RECK: variants seen among roughly 807,000 people sequenced by gnomAD.
RECK encodes reversion-inducing cysteine-rich protein with Kazal motifs.
In RECK, 69 loss-of-function variants were observed where a neutral mutation model predicts 115.1. The observed-to-expected ratio is 0.60, with a 90% confidence interval of 0.49 to 0.73. The LOEUF (loss-of-function observed/expected upper bound fraction) is 0.73, where lower values mean the gene tolerates loss of function less well. Ranked by LOEUF, RECK falls within the 30% of genes least tolerant of loss-of-function variation. The pLI is 0.00. For missense variants in RECK, 1,047 were observed against 1,203.7 expected (o/e 0.87, Z 1.93); for synonymous variants, 414 against 419.7 (o/e 0.99, Z 0.17).
At chr9:36,041,570 A>G (rs1276672965) in intron 1 of RECK, among the ~76,000 whole-genome samples, 4 of 152,210 alleles carry the variant, frequency 2.6e-5, no homozygotes, top group Non-Finnish European at 5.9e-5. Context: ...ATAGCATTTA[A>G]CAGGAAATCA....
At chr9:36,107,101 G>A (rs868328737) in intron 13 of RECK, among the ~76,000 whole-genome samples, 904 of 78,782 alleles carry the variant, frequency 0.011, 11 homozygotes, top group African/African-American at 0.047. Flanking sequence ...GCGAGACTCC[G>A]TCTCAAAAAA....
At chr9:36,112,838 G>A (rs1018250606) in intron 16 of RECK, among the ~76,000 whole-genome samples, 4 of 152,170 alleles carry the variant, frequency 2.6e-5, no homozygotes, top group African/African-American at 9.7e-5. Flanking sequence ...TGTTATCTCC[G>A]TAACATTGTT....
At chr9:36,097,382 C>T (rs186959431) in intron 10 of RECK, among the ~76,000 whole-genome samples, 30 of 150,996 alleles carry the variant, frequency 2.0e-4, no homozygotes, top group East Asian at 1.4e-3. Context: ...AGACCCTTTA[C>T]CGAAGAAGGA....
At chr9:36,092,142 T>G (rs556816092) in intron 10 of RECK, among the ~76,000 whole-genome samples, 33 of 152,330 alleles carry the variant, frequency 2.2e-4, no homozygotes, top group African/African-American at 7.9e-4. Flanking sequence ...TCTTTAAAAC[T>G]GGTGATAGAG....
intron 6 of RECK, among the ~76,000 whole-genome samples, chr9:36,074,430 G>A (rs1822367152): frequency 1.3e-5 from 2 of 152,102 alleles, no homozygotes; most frequent in Admixed American, 1.3e-4. Flanking sequence ...ATAGTCCATG[G>A]GAAGAGAGAA....
Position 36,094,871 on chromosome 9 carries a change from A to G in RECK, c.1085+3528A>G, listed in dbSNP as rs1392089844. Among the ~76,000 whole-genome samples the G allele has an allele frequency of 6.6e-6, 1 of 152,214 alleles. No homozygotes were observed. The highest frequency in any genetic ancestry group is 1.5e-5 in the Non-Finnish European group (1 of 68,038). On this transcript the variant is annotated intron_variant, in intron 10 of 20. Coordinates refer to ENST00000377966, the MANE Select transcript of RECK (RefSeq NM_021111.3). This position sits in a 1 kb window ranked among gnomAD's most constrained non-coding sequence, Gnocchi z 4.1. ...ATGTTAACACCTCTCCCTCACTAAT[A>G]GAACAAATGGAAAAAAATCAGTGAG...
At chr9:36,100,912 T>C (rs900722577) in intron 11 of RECK, among the ~76,000 whole-genome samples, 16 of 152,176 alleles carry the variant, frequency 1.1e-4, no homozygotes, top group African/African-American at 3.9e-4. Flanking sequence ...TATGTTAATT[T>C]ATGGACTTGT....
intron 6 of RECK, among the ~76,000 whole-genome samples, chr9:36,070,616 A>G (rs1822189347): frequency 6.6e-6 from 1 of 152,196 alleles, no homozygotes; most frequent in African/African-American, 2.4e-5. Context: ...GAGATATTCC[A>G]AAAACAGATA....
intron 14 of RECK, 142 bp from the exon 15 acceptor site, chr9:36,109,815 G>A: frequency 1.2e-6 from 1 of 812,358 alleles, no homozygotes; most frequent in Non-Finnish European, 1.9e-6. Context: ...GTGCACTCCA[G>A]CCTGGGCGAT....
chr9:36,045,218 T>C (rs983786252), intron 1 of RECK, among the ~76,000 whole-genome samples: 61 of 152,260 alleles, frequency 4.0e-4, no homozygotes, highest in African/African-American at 1.3e-3. Flanking sequence ...CTGTATACTT[T>C]ATGCAGATAT....
chr9:36,096,388 C>G (rs998203851), intron 10 of RECK, among the ~76,000 whole-genome samples: 6 of 150,612 alleles, frequency 4.0e-5, no homozygotes, highest in South Asian at 2.1e-4. Context: ...AATACAAAAA[C>G]TAGCCGGACA....
At chr9:36,120,281 G>C (rs1311330545) in intron 18 of RECK, among the ~76,000 whole-genome samples, 1 of 152,006 alleles carries the variant, frequency 6.6e-6, no homozygotes, top group East Asian at 1.9e-4. Flanking sequence ...TGGAACCCCT[G>C]AAACACCAAC....
At chr9:36,095,161 A>C (rs913317871) in intron 10 of RECK, among the ~76,000 whole-genome samples, 1 of 152,208 alleles carries the variant, frequency 6.6e-6, no homozygotes, top group Admixed American at 6.5e-5. Context: ...GCACCACCAC[A>C]CTTCAGCCTG....
Position 36,087,831 on chromosome 9 carries a change from C to T in RECK, c.775C>T (p.Pro259Ser). Residue 259 changes from proline to serine, a missense_variant, in exon 9 of 21, where the codon CCT (proline) becomes TCT (serine). Pro to Ser is a moderately conservative substitution (Grantham distance 74). Coordinates refer to ENST00000377966, the MANE Select transcript of RECK (RefSeq NM_021111.3). ...GCKTQPLPQDPLWQCFLESSQ... is the reference protein window; with the variant it reads ...GCKTQPLPQDSLWQCFLESSQ... ...TAAGACCCAGCCCTTGCCTCAAGATCCTCTTTGGCAATGTTTTCTTGAAAG... is the reference window on the plus strand; with the variant it reads ...TAAGACCCAGCCCTTGCCTCAAGATTCTCTTTGGCAATGTTTTCTTGAAAG... 6.2e-7 allele frequency: 1 copy of T among 1,613,974 alleles called. No individual in the cohort carries two copies. Among genetic ancestry groups the T allele is most frequent in the East Asian group, 2.2e-5 (1 of 44,880 alleles).
intron 6 of RECK, chr9:36,066,977 C>A: frequency 1.8e-6 from 1 of 553,748 alleles, no homozygotes; most frequent in Non-Finnish European, 2.9e-6. Flanking sequence ...TTCCAAAAAT[C>A]TGTATGGCAA....
At chr9:36,061,393 T>TACACACACACACACACACACACACAC (rs58265948) in intron 4 of RECK, among the ~76,000 whole-genome samples, 4 of 129,030 alleles carry the variant, frequency 3.1e-5, no homozygotes, top group Admixed American at 8.0e-5. Flanking sequence ...TGTAATTTTC[T>TACACACACACACACACACACACACAC]ACACACACAC....
chr9:36,057,836 A>G (rs918925737), intron 2 of RECK, among the ~76,000 whole-genome samples: 1 of 152,184 alleles, frequency 6.6e-6, no homozygotes, highest in Non-Finnish European at 1.5e-5. Flanking sequence ...AATAAATAAA[A>G]TAAAAGAACA....
intron 6 of RECK, among the ~76,000 whole-genome samples, chr9:36,069,480 CAAAAAA>C (rs60192603): frequency 0.2 from 16,997 of 85,058 alleles, 1,736 homozygotes; most frequent in African/African-American, 0.33. Flanking sequence ...GTGGAGGTTG[CAAAAAA>C]AAAAAAAAAA....
intron 6 of RECK, among the ~76,000 whole-genome samples, chr9:36,069,933 A>G (rs1211775911): frequency 6.6e-6 from 1 of 152,250 alleles, no homozygotes; most frequent in Non-Finnish European, 1.5e-5. Flanking sequence ...AGAAGACAGT[A>G]GAATGATTCC....
Sources: allele counts gnomAD v4.1 joint callset (sites outside exome capture counted in the v4.1 genomes callset), GRCh38; gene constraint gnomAD v4.1.1; non-coding constraint Gnocchi (gnomAD v3.1); transcripts MANE v1.5; gene names NCBI Gene and HGNC (gene_info 2026-07-23, HGNC 2026-07-21).